The following ZNF143 variants were observed in gnomAD, a reference collection of about 807,000 sequenced individuals.
ZNF143 encodes SPH-binding factor.
ZNF143 carries 49 observed loss-of-function variants against 74.1 expected under a neutral mutation model. The ratio of observed to expected loss-of-function variants is 0.66; its 90% CI spans 0.53 to 0.84. The LOEUF (loss-of-function observed/expected upper bound fraction) is 0.84, where lower values mean the gene tolerates loss of function less well. ZNF143 is among the 40% of genes least tolerant of loss of function. ZNF143 has a pLI of 0.00. For missense variants in ZNF143, 637 were observed against 793.4 expected, an observed-to-expected ratio of 0.80 and a Z score of 2.37; for synonymous variants, 304 against 282.8, an observed-to-expected ratio of 1.07 and a Z score of -0.75.
rs145302486 is a variant in ZNF143 at position 9,503,528 on chromosome 11, C to T, written c.1147+2258C>T. Among the ~76,000 whole-genome samples the T allele has an allele frequency of 3.0e-3, 462 of 152,262 alleles. 3 individuals are homozygous for T. The highest frequency in any genetic ancestry group is 0.011 in the African/African-American group (444 of 41,528). On this transcript the variant is annotated intron_variant, in intron 11 of 15. Coordinates refer to ENST00000396602, the MANE Select transcript of ZNF143 (RefSeq NM_003442.6). ...TCCCAGCTAACAGTTGTTATTATCC[C>T]AGCTAACAGTTGTTATTATCTGTCT...
intron 12 of ZNF143, among the ~76,000 whole-genome samples, chr11:9,509,352 G>A (rs985218970): frequency 6.6e-6 from 1 of 152,182 alleles, no homozygotes; most frequent in African/African-American, 2.4e-5. Context: ...TAACACTAGA[G>A]AAGTACTCCC....
At chr11:9,461,575 C>G (rs963084666) in intron 1 of ZNF143, 1 of 152,112 alleles carries the variant, frequency 6.6e-6, no homozygotes, top group African/African-American at 2.4e-5. Flanking sequence ...ACCTGCCGGT[C>G]TCACCTAGCG....
chr11:9,461,938 C>T (rs189195799), intron 1 of ZNF143: 1 of 152,190 alleles, frequency 6.6e-6, no homozygotes, highest in Non-Finnish European at 1.5e-5. Flanking sequence ...CTGATATAAT[C>T]AAGTGAGAAT....
intron 1 of ZNF143, among the ~76,000 whole-genome samples, chr11:9,466,713 T>C (rs977450131): frequency 6.6e-6 from 1 of 152,126 alleles, no homozygotes; most frequent in African/African-American, 2.4e-5. Context: ...AGTGCTGCAG[T>C]TACAGGTGTG....
intron 14 of ZNF143, among the ~76,000 whole-genome samples, chr11:9,523,795 C>T (rs1275902149): frequency 6.6e-6 from 1 of 151,896 alleles, no homozygotes; most frequent in Non-Finnish European, 1.5e-5. Context: ...CGTCTGTAAT[C>T]CCAGCGCTTT....
At chr11:9,516,822 T>G (rs2134213341) in intron 14 of ZNF143, among the ~76,000 whole-genome samples, 1 of 152,288 alleles carries the variant, frequency 6.6e-6, no homozygotes, top group Non-Finnish European at 1.5e-5. Flanking sequence ...ATAATCAACT[T>G]TTATCAGTTT....
chr11:9,510,604 CA>C (rs1337265227), intron 12 of ZNF143, among the ~76,000 whole-genome samples: 1 of 151,986 alleles, frequency 6.6e-6, no homozygotes, highest in Non-Finnish European at 1.5e-5. Flanking sequence ...TGGAACAGAA[CA>C]AAAAGGAATG....
At chr11:9,509,340 C>T (rs1589931736) in intron 12 of ZNF143, among the ~76,000 whole-genome samples, 1 of 152,144 alleles carries the variant, frequency 6.6e-6, no homozygotes, top group South Asian at 2.1e-4. Flanking sequence ...TGGTCTTAAT[C>T]GTAACACTAG....
intron 2 of ZNF143, 122 bp downstream of exon 2, chr11:9,471,542 G>T (rs1424249813): frequency 8.0e-6 from 5 of 624,588 alleles, no homozygotes; most frequent in East Asian, 6.6e-5. Context: ...CTTTTTATGA[G>T]GTGTTTTGGT....
chr11:9,514,221 C>T (rs1848648104), intron 13 of ZNF143, among the ~76,000 whole-genome samples: 1 of 152,160 alleles, frequency 6.6e-6, no homozygotes, highest in Non-Finnish European at 1.5e-5. Flanking sequence ...AGAACCCACC[C>T]CTGTATCATC....
At chr11:9,501,036 T>C (rs991269750) in intron 10 of ZNF143, 55 bp from the exon 11 acceptor site, 18 of 1,595,320 alleles carry the variant, frequency 1.1e-5, no homozygotes, top group Admixed American at 1.7e-5. Context: ...GATAAGACAT[T>C]TTAATCCTCT....
At chr11:9,489,466 T>C (rs1289941733) in intron 7 of ZNF143, among the ~76,000 whole-genome samples, 6 of 152,198 alleles carry the variant, frequency 3.9e-5, no homozygotes, top group Non-Finnish European at 5.9e-5. Context: ...CAAAAACAAG[T>C]ACATTTTTGG....
intron 7 of ZNF143, among the ~76,000 whole-genome samples, chr11:9,480,885 C>CAA (rs34087710): frequency 5.7e-4 from 60 of 105,080 alleles, no homozygotes; most frequent in African/African-American, 1.9e-3. Flanking sequence ...GAAACTGTCT[C>CAA]AAAAAAAAAA....
intron 5 of ZNF143, among the ~76,000 whole-genome samples, chr11:9,478,054 C>A (rs369282491): frequency 6.6e-6 from 1 of 152,098 alleles, no homozygotes; most frequent in African/African-American, 2.4e-5. Flanking sequence ...TCTCAATCTC[C>A]TGACCTCGTG....
At chr11:9,463,803 T>C (rs1856014976) in intron 1 of ZNF143, 1 of 152,206 alleles carries the variant, frequency 6.6e-6, no homozygotes, top group South Asian at 2.1e-4. Context: ...ACTGTGCCTC[T>C]ACTACATGGT....
Position 9,486,391 on chromosome 11 carries a change from TATATA to T in ZNF143, c.645+6851_645+6855del, listed in dbSNP as rs1439036427. Among the ~76,000 whole-genome samples, 6 of 32,058 alleles carry T rather than the reference TATATA, an allele frequency of 1.9e-4. 1 individual carries two copies. The highest frequency in any genetic ancestry group is 8.4e-4 in the African/African-American group (6 of 7,152). The allele number at this position is 32,058 out of a possible 152,430, so 21.0% of individuals were successfully genotyped here. On this transcript the variant is annotated intron_variant, in intron 7 of 15. Coordinates refer to ENST00000396602, the MANE Select transcript of ZNF143 (RefSeq NM_003442.6). ...TATATAATATATTATATATATAATA[TATATA>T]ATATATTATATATATAATATATATT...
At chr11:9,467,306 G>A (rs1377347445) in intron 1 of ZNF143, among the ~76,000 whole-genome samples, 2 of 151,048 alleles carry the variant, frequency 1.3e-5, no homozygotes, top group Non-Finnish European at 2.9e-5. Flanking sequence ...CACCATCTTG[G>A]CTCACTGCTG....
intron 14 of ZNF143, among the ~76,000 whole-genome samples, chr11:9,521,890 A>C (rs1489753467): frequency 1.3e-5 from 2 of 151,838 alleles, no homozygotes; most frequent in Non-Finnish European, 2.9e-5. Flanking sequence ...AACATGGTGA[A>C]ACCCCATCTC....
intron 12 of ZNF143, among the ~76,000 whole-genome samples, chr11:9,510,558 T>C (rs1298761811): frequency 6.6e-6 from 1 of 152,220 alleles, no homozygotes; most frequent in Non-Finnish European, 1.5e-5. Flanking sequence ...CCACTGGGTT[T>C]TGTAACCTGT....
Sources: gnomAD v4.1 joint callset for allele counts (sites outside exome capture counted in the v4.1 genomes callset) on GRCh38, gnomAD v4.1.1 for gene constraint, MANE v1.5 for transcripts, NCBI Gene and HGNC (gene_info 2026-07-23, HGNC 2026-07-21) for gene names.